NUP133: variants seen among roughly 807,000 people sequenced by gnomAD.
NUP133 encodes nucleoporin 133.
NUP133 carries 66 observed loss-of-function variants against 146.2 expected under a neutral mutation model. The observed-to-expected ratio is 0.45, with a 90% CI of 0.37 to 0.55. The LOEUF (loss-of-function observed/expected upper bound fraction) is 0.55, where lower values mean the gene tolerates loss of function less well. NUP133 is among the 20% of genes least tolerant of loss of function. The pLI is 0.00. For synonymous variants in NUP133, 521 were observed against 498.8 expected, an observed-to-expected ratio of 1.04 and a Z score of -0.59; for missense variants, 1,277 against 1,374.8, an observed-to-expected ratio of 0.93 and a Z score of 1.12.
At position 229,464,579 on chromosome 1, in the gene NUP133, T is replaced by C. The variant is rs79988389; in HGVS notation, c.2551+45A>G. 24,591 of 1,598,990 alleles carry C rather than the reference T, an allele frequency of 0.015. 252 individuals are homozygous for C. The highest frequency in any genetic ancestry group is 0.018 in the Non-Finnish European group (20,975 of 1,169,942). The stretch of plus-strand genomic sequence containing the variant: ...CTGAATTAACTATTCAACCCTTTCA[T>C]CCATTCAGCAAATTTAAAACTCTTG... On this transcript the variant is annotated intron_variant, in intron 18 of 25. Coordinates refer to ENST00000261396, the MANE Select transcript of NUP133 (RefSeq NM_018230.3).
intron 8 of NUP133, among the ~76,000 whole-genome samples, chr1:229,493,205 T>TAAA (rs2102779768): frequency 6.6e-6 from 1 of 152,278 alleles, no homozygotes; most frequent in East Asian, 1.9e-4. Flanking sequence ...AGAAAAAAGG[T>TAAA]CTTTCTCTGT....
Position 229,441,099 on chromosome 1 carries a change from G to T in NUP133, c.*805C>A. 1 of 262,582 alleles carries T rather than the reference G, an allele frequency of 3.8e-6. No individual in the cohort carries two copies. The highest frequency in any genetic ancestry group is 7.6e-6 in the Non-Finnish European group (1 of 131,284). 16.3% of individuals were successfully genotyped at this position (262,582 alleles called of 1,614,324 possible). On this transcript the variant is annotated 3_prime_UTR_variant, in exon 26 of 26. Coordinates refer to ENST00000261396, the MANE Select transcript of NUP133 (RefSeq NM_018230.3). ...ACAGTACCTTTCAGTCACATCAATT[G>T]CCATATTAGGAAAACCTATAATGGT...
intron 21 of NUP133, among the ~76,000 whole-genome samples, chr1:229,457,754 G>A (rs557084664): frequency 1.3e-5 from 2 of 152,264 alleles, no homozygotes; most frequent in Admixed American, 1.3e-4. Flanking sequence ...AGGGCCAACT[G>A]TACTATATGT....
intron 15 of NUP133, among the ~76,000 whole-genome samples, chr1:229,468,914 G>A (rs537517093): frequency 6.6e-6 from 1 of 152,164 alleles, no homozygotes; most frequent in South Asian, 2.1e-4. Flanking sequence ...CCATTCCCCA[G>A]GAACTAACCC....
chr1:229,473,794 T>C (rs1661010584), intron 14 of NUP133, among the ~76,000 whole-genome samples: 1 of 152,176 alleles, frequency 6.6e-6, no homozygotes, highest in African/African-American at 2.4e-5. Context: ...TTCAGCACCA[T>C]GCGCCTGTAG....
chr1:229,489,833 G>A, intron 9 of NUP133, 122 bp downstream of exon 9: 1 of 808,034 alleles, frequency 1.2e-6, no homozygotes, highest in Admixed American at 3.6e-5. Flanking sequence ...CTGAGATCAA[G>A]CCACTGCACT....
At chr1:229,505,965 T>C (rs1558111495) in intron 2 of NUP133, 75 bp downstream of exon 2, 15 of 848,902 alleles carry the variant, frequency 1.8e-5, no homozygotes, top group East Asian at 4.9e-5. Context: ...AGAGAAAACA[T>C]AAATTTAATC....
chr1:229,466,531 C>T (rs1660831250), intron 16 of NUP133, 103 bp downstream of exon 16: 1 of 1,269,110 alleles, frequency 7.9e-7, no homozygotes, highest in Non-Finnish European at 1.1e-6. Context: ...TGTCTACAAC[C>T]TTATACATTA....
At chr1:229,445,163 C>T (rs1660277441) in intron 24 of NUP133, among the ~76,000 whole-genome samples, 161 bp from the exon 25 acceptor site, 1 of 152,086 alleles carries the variant, frequency 6.6e-6, no homozygotes, top group Non-Finnish European at 1.5e-5. Flanking sequence ...ACTTTACATG[C>T]TGAATACCCT....
At chr1:229,461,877 AACT>A (rs935704839) in intron 19 of NUP133, among the ~76,000 whole-genome samples, 20 of 152,046 alleles carry the variant, frequency 1.3e-4, no homozygotes, top group African/African-American at 4.8e-4. Flanking sequence ...AGCCATGTCC[AACT>A]ACTGACCTTT....
At chr1:229,453,926 T>C (rs1660509974) in intron 21 of NUP133, among the ~76,000 whole-genome samples, 1 of 152,058 alleles carries the variant, frequency 6.6e-6, no homozygotes, top group African/African-American at 2.4e-5. Context: ...CTTAATTTTT[T>C]TTTGGTATAT....
chr1:229,502,142 TA>T, intron 2 of NUP133, 40 bp from the exon 3 acceptor site: 1 of 1,421,998 alleles, frequency 7.0e-7, no homozygotes, highest in Non-Finnish European at 9.9e-7. Flanking sequence ...TCTTATAGTA[TA>T]AATCTTTATT....
chr1:229,451,385 C>T (rs1660445896), intron 22 of NUP133, among the ~76,000 whole-genome samples: 1 of 149,874 alleles, frequency 6.7e-6, no homozygotes, highest in Non-Finnish European at 1.5e-5. Flanking sequence ...ACAGCCCGAG[C>T]AATACCAAGA....
chr1:229,484,721 A>G (rs1453843579), intron 11 of NUP133, among the ~76,000 whole-genome samples: 1 of 152,228 alleles, frequency 6.6e-6, no homozygotes, highest in East Asian at 1.9e-4. Context: ...GAAAAATTTT[A>G]AAGAAATGGA....
At chr1:229,473,544 T>C (rs1169901116) in intron 14 of NUP133, among the ~76,000 whole-genome samples, 2 of 152,136 alleles carry the variant, frequency 1.3e-5, no homozygotes, top group Middle Eastern at 3.2e-3. Context: ...GCTTTTAGTG[T>C]GGCGAATCAG....
chr1:229,473,064 CAACATTAT>C (rs1660995958), intron 14 of NUP133, among the ~76,000 whole-genome samples: 2 of 151,886 alleles, frequency 1.3e-5, no homozygotes, highest in Non-Finnish European at 2.9e-5. Flanking sequence ...CCAGCCTGGG[CAACATTAT>C]GAGACCCTGT....
rs1242971265 is a variant in NUP133, at chr1:229,508,051, C to G, written c.182+17G>C. 2.7e-6 allele frequency: 4 copies of G among 1,472,990 alleles called. No homozygotes were observed. The East Asian group carries it at 7.8e-5, about 29-fold the overall frequency. 91.2% of individuals were successfully genotyped at this position (1,472,990 alleles called of 1,614,324 possible). A position where few individuals can be genotyped will look rare whatever the true frequency, so the allele number is the denominator to read the frequency against. ...TGAGGCTGTTGGTTGCCAGACCCAA[C>G]CAGGGAGATCACTTACCGCGAGCTT... On this transcript the variant is annotated intron_variant, in intron 1 of 25. Coordinates refer to ENST00000261396, the MANE Select transcript of NUP133 (RefSeq NM_018230.3).
rs139103297 is a variant in NUP133 at position 229,445,603 on chromosome 1, G to A, written c.3246-601C>T. On this transcript the variant is annotated intron_variant, in intron 24 of 25. Transcript: ENST00000261396. ...CAAAGTGCTGGGATTGCAGGCATGAGCCACTGGACCCAGCCAGAAGCTTTC... is the reference window on the plus strand; with the variant it reads ...CAAAGTGCTGGGATTGCAGGCATGAACCACTGGACCCAGCCAGAAGCTTTC... Among the ~76,000 whole-genome samples the A allele has an allele frequency of 7.9e-5, 12 of 152,340 alleles. No individual in the cohort carries two copies. In the East Asian group the frequency reaches 1.5e-3, roughly 20 times the overall value.
chr1:229,479,801 C>T (rs754186617), intron 12 of NUP133, among the ~76,000 whole-genome samples: 5 of 152,000 alleles, frequency 3.3e-5, no homozygotes, highest in Non-Finnish European at 5.9e-5. Context: ...GAAAAGATCA[C>T]CGAGGGAGTA....
Sources: allele counts gnomAD v4.1 joint callset (sites outside exome capture counted in the v4.1 genomes callset), GRCh38; gene constraint gnomAD v4.1.1; transcripts MANE v1.5; gene names NCBI Gene and HGNC (gene_info 2026-07-23, HGNC 2026-07-21).